The following MED17 variants were observed in gnomAD, a reference collection of about 807,000 sequenced individuals.
MED17 encodes the protein mediator complex subunit 17.
In MED17, 49 loss-of-function variants were observed where a neutral mutation model predicts 80.8. The ratio of observed to expected loss-of-function variants is 0.61; its 90% CI spans 0.48 to 0.77. MED17 has a LOEUF of 0.77. MED17 is among the 30% of genes least tolerant of loss of function. The pLI, the probability that MED17 is intolerant of heterozygous loss-of-function variation, is 0.00. For missense variants in MED17, 718 were observed against 787.0 expected (o/e 0.91, Z 1.05); for synonymous variants, 281 against 280.4 (o/e 1.00, Z -0.02).
intron 9 of MED17, among the ~76,000 whole-genome samples, chr11:93,803,111 C>T (rs1442489396): frequency 6.6e-6 from 1 of 152,154 alleles, no homozygotes; most frequent in Non-Finnish European, 1.5e-5. Context: ...TCCTGTGTAG[C>T]TGGGACTACA....
Position 93,809,653 on chromosome 11 carries a change from G to T in MED17, c.1585-64G>T, listed in dbSNP as rs941350161. The T allele has an allele frequency of 3.2e-6, 5 of 1,562,042 alleles. No individual in the cohort carries two copies. In the South Asian group the frequency reaches 3.3e-5, roughly 10 times the overall value. On this transcript the variant is annotated intron_variant, in intron 10 of 11. Transcript: ENST00000251871. ...CCCAACAAAAGTTTACTTCATGGTC[G>T]TGATGTTAAGTCACTGCAGATATCT...
chr11:93,790,765 T>A lies in MED17; in HGVS notation c.609T>A (p.Ile203=). The A allele has an allele frequency of 6.2e-7, 1 of 1,614,172 alleles. No homozygotes were observed. Among genetic ancestry groups the A allele is most frequent in the Non-Finnish European group, 8.5e-7 (1 of 1,180,018 alleles). ...HWKLRKVGDK[I]LGDLSYRSAG... ...AACTTCGAAAAGTTGGAGATAAAAT[T>A]CTCGGAGATCTGAGCTACAGAAGTG... The change falls in exon 3 of 12, where the codon ATT becomes ATA. Residue 203 remains isoleucine, a synonymous_variant. Transcript: ENST00000251871.
intron 1 of MED17, among the ~76,000 whole-genome samples, chr11:93,786,330 C>T (rs183310732): frequency 1.3e-5 from 2 of 152,300 alleles, no homozygotes; most frequent in East Asian, 3.9e-4. Flanking sequence ...GATTAAGATA[C>T]TCTTTCCATG....
intron 2 of MED17, chr11:93,789,037 G>A (rs996636956): frequency 6.6e-6 from 1 of 152,180 alleles, no homozygotes; most frequent in African/African-American, 2.4e-5. Flanking sequence ...AGATGAAAGA[G>A]AAGTAGCAGG....
intron 11 of MED17, chr11:93,811,623 T>C (rs1944086089): frequency 1.8e-6 from 1 of 548,054 alleles, no homozygotes; most frequent in South Asian, 2.3e-5. Context: ...CTCACCTTGC[T>C]TAATCTTTGT....
rs1320244785 is a variant in MED17, at chr11:93,784,521, G to T, written c.8G>T (p.Gly3Val). Residue 3 changes from glycine (G) to valine (V), a missense_variant, in exon 1 of 12, where the codon GGG (glycine) becomes GTG (valine). Physicochemically the swap from Gly to Val is moderately radical, Grantham distance 109. Coordinates refer to ENST00000251871, the MANE Select transcript of MED17 (RefSeq NM_004268.5). Reference sequence around the variant, plus strand: ...CTGGCCGACGCAGCCAGCATGTCCGGGGTGCGCGCAGTGCGGATCAGCATC... The same window carrying T: ...CTGGCCGACGCAGCCAGCATGTCCGTGGTGCGCGCAGTGCGGATCAGCATC... The part of the protein sequence containing the change: MS[G>V]VRAVRISIES... 1.2e-6 allele frequency: 2 copies of T among 1,602,298 alleles called. No individual in the cohort carries two copies. Among genetic ancestry groups the T allele is most frequent in the East Asian group, 4.5e-5 (2 of 44,528 alleles).
In MED17 at chr11:93,784,702, C is replaced by A; in HGVS notation, c.189C>A (p.Thr63=). Reference sequence around the variant, plus strand: ...CCGAGGAGGAGGAGGCGGCGGGGACCGAGGGCGACGCGCAGGAGTGGCCGG... The same window carrying A: ...CCGAGGAGGAGGAGGCGGCGGGGACAGAGGGCGACGCGCAGGAGTGGCCGG... ...SGSEEEEAAG[T]EGDAQEWPGA... The change falls in exon 1 of 12, where the codon ACC becomes ACA. Residue 63 remains threonine (T), a synonymous_variant. Coordinates refer to ENST00000251871, the MANE Select transcript of MED17 (RefSeq NM_004268.5). The A allele has an allele frequency of 6.4e-7, 1 of 1,551,502 alleles. No homozygotes were observed.
intron 1 of MED17, among the ~76,000 whole-genome samples, chr11:93,786,981 G>A (rs1252431705): frequency 6.6e-6 from 1 of 152,154 alleles, no homozygotes; most frequent in Non-Finnish European, 1.5e-5. Flanking sequence ...ATATCATACA[G>A]TGTTAGAAGA....
At chr11:93,811,722 T>G in intron 11 of MED17, 131 bp from the exon 12 acceptor site, 1 of 827,204 alleles carries the variant, frequency 1.2e-6, no homozygotes, top group South Asian at 1.6e-5. Flanking sequence ...GAAAAAGCAC[T>G]TTTTTACAAG....
In MED17 at chr11:93,794,046, G is replaced by C. The variant is rs1379847042; in HGVS notation, c.859+11G>C. 3 of 1,601,070 alleles carry C rather than the reference G, an allele frequency of 1.9e-6. No individual in the cohort carries two copies. In the African/African-American group the frequency reaches 4.0e-5, roughly 21 times the overall value. On this transcript the variant is annotated intron_variant, in intron 5 of 11. Coordinates refer to ENST00000251871, the MANE Select transcript of MED17 (RefSeq NM_004268.5). ...CCAAATCCAAACCAGGTATGGTTATGTTCTATTCTCTAATTTCTGGTCTTA... is the reference window on the plus strand; with the variant it reads ...CCAAATCCAAACCAGGTATGGTTATCTTCTATTCTCTAATTTCTGGTCTTA...
intron 5 of MED17, 23 bp from the exon 6 acceptor site, chr11:93,794,885 T>C (rs774578517): frequency 6.2e-7 from 1 of 1,611,840 alleles, no homozygotes; most frequent in Non-Finnish European, 8.5e-7. Context: ...AGATAATTGA[T>C]ACATATATTT....
At chr11:93,792,911 A>G (rs907869668) in intron 3 of MED17, among the ~76,000 whole-genome samples, 3 of 152,074 alleles carry the variant, frequency 2.0e-5, no homozygotes, top group Non-Finnish European at 4.4e-5. Context: ...ACCACACTGC[A>G]GCCTGGAAGA....
intron 1 of MED17, among the ~76,000 whole-genome samples, chr11:93,786,532 T>C (rs1591381401): frequency 1.3e-5 from 2 of 151,966 alleles, no homozygotes; most frequent in South Asian, 4.1e-4. Flanking sequence ...AGTGGTGCAA[T>C]CTCGGCTCAC....
intron 1 of MED17, among the ~76,000 whole-genome samples, chr11:93,785,966 C>G (rs921610631): frequency 6.6e-6 from 1 of 151,944 alleles, no homozygotes; most frequent in Non-Finnish European, 1.5e-5. Flanking sequence ...ATTGTGCCAC[C>G]GCACTCCAGC....
intron 8 of MED17, chr11:93,800,761 T>G (rs929671674): frequency 1.4e-4 from 22 of 152,256 alleles, no homozygotes; most frequent in African/African-American, 5.3e-4. Context: ...CTTAGTCTTT[T>G]GAGTAGCAGG....
Position 93,784,380 on chromosome 11 carries a change from G to T in MED17, c.-134G>T. Reference sequence around the variant, plus strand: ...TGTTTCCAGTCTGAGCGTTGCGTTCGGTTTCCCGAGGGTCTTCTGAGGCAC... The same window carrying T: ...TGTTTCCAGTCTGAGCGTTGCGTTCTGTTTCCCGAGGGTCTTCTGAGGCAC... On this transcript the variant is annotated 5_prime_UTR_variant, in exon 1 of 12. Transcript: ENST00000251871. The T allele has an allele frequency of 1.7e-6, 2 of 1,171,866 alleles. No individual in the cohort carries two copies. Among genetic ancestry groups the T allele is most frequent in the Non-Finnish European group, 2.3e-6 (2 of 858,232 alleles). The allele number at this position is 1,171,866 out of a possible 1,614,324, so 72.6% of individuals were successfully genotyped here.
At chr11:93,788,358 C>G in intron 2 of MED17, 191 bp downstream of exon 2, 1 of 534,532 alleles carries the variant, frequency 1.9e-6, no homozygotes, top group Middle Eastern at 5.2e-4. Context: ...TACCTATGAT[C>G]CTTGGAAGAG....
At chr11:93,806,211 ACCGCCTGC>A (rs1356190706) in intron 9 of MED17, 1 of 151,540 alleles carries the variant, frequency 6.6e-6, no homozygotes, top group Non-Finnish European at 1.5e-5. Flanking sequence ...TGAGCTTGTG[ACCGCCTGC>A]CTCAGCCTCC....
intron 2 of MED17, chr11:93,788,995 A>C (rs1367472819): frequency 6.6e-6 from 1 of 152,124 alleles, no homozygotes; most frequent in Non-Finnish European, 1.5e-5. Flanking sequence ...CTGCTATTTC[A>C]TAAACAGTGT....
Sources: gnomAD v4.1 joint callset for allele counts (sites outside exome capture counted in the v4.1 genomes callset) on GRCh38, gnomAD v4.1.1 for gene constraint, MANE v1.5 for transcripts, NCBI Gene and HGNC (gene_info 2026-07-23, HGNC 2026-07-21) for gene names.